The following MACROD2 variants were observed in gnomAD, a reference collection of about 807,000 sequenced individuals.
MACROD2 encodes ADP-ribose glycohydrolase MACROD2.
Under a neutral mutation model 70.4 loss-of-function variants are expected in MACROD2, and 36 were observed. The ratio of observed to expected loss-of-function variants is 0.51; its 90% CI spans 0.39 to 0.68. The LOEUF is 0.68. MACROD2 is among the 30% of genes least tolerant of loss of function. MACROD2 has a pLI of 0.00. For missense variants in MACROD2, 496 were observed against 538.4 expected, an observed-to-expected ratio of 0.92 and a Z score of 0.78; for synonymous variants, 172 against 178.8, an observed-to-expected ratio of 0.96 and a Z score of 0.30.
intron 3 of MACROD2, among the ~76,000 whole-genome samples, chr20:14,466,585 G>A (rs540877177): frequency 1.4e-4 from 22 of 152,180 alleles, no homozygotes; most frequent in East Asian, 7.7e-4. Context: ...GACGAGCTGC[G>A]TTCCTTTGGA....
At chr20:14,029,872 A>G (rs1269816276) in intron 2 of MACROD2, among the ~76,000 whole-genome samples, 2 of 152,176 alleles carry the variant, frequency 1.3e-5, no homozygotes, top group African/African-American at 4.8e-5. Context: ...TTGGAACACC[A>G]TTGAGTTTCT....
At chr20:14,435,531 T>C (rs2084046485) in intron 3 of MACROD2, among the ~76,000 whole-genome samples, 1 of 152,142 alleles carries the variant, frequency 6.6e-6, no homozygotes, top group Admixed American at 6.6e-5. Context: ...ATTTTACCAC[T>C]AATTAATTTT....
At chr20:15,091,278 C>CT (rs1052477355) in intron 5 of MACROD2, among the ~76,000 whole-genome samples, 2 of 151,650 alleles carry the variant, frequency 1.3e-5, no homozygotes, top group African/African-American at 4.8e-5. Flanking sequence ...CCAAATCTTA[C>CT]TTTGGGGGAA....
At chr20:15,393,853 T>A (rs184411137) in intron 6 of MACROD2, among the ~76,000 whole-genome samples, 23 of 152,330 alleles carry the variant, frequency 1.5e-4, no homozygotes, top group Middle Eastern at 3.4e-3. Context: ...ATTACGATTA[T>A]CTCTGCAAGT....
At chr20:14,577,358 G>A (rs114839639) in intron 4 of MACROD2, among the ~76,000 whole-genome samples, 1,820 of 152,254 alleles carry the variant, frequency 0.012, 38 homozygotes, top group African/African-American at 0.041. Flanking sequence ...TTTACATTAA[G>A]AATTACTTTC....
At chr20:15,527,999 C>T (rs2047743960) in intron 8 of MACROD2, among the ~76,000 whole-genome samples, 1 of 152,166 alleles carries the variant, frequency 6.6e-6, no homozygotes, top group Non-Finnish European at 1.5e-5. Context: ...ATTTTATCTG[C>T]TGTTATATCT....
chr20:15,234,181 G>A (rs1253664450), intron 6 of MACROD2, among the ~76,000 whole-genome samples: 4 of 141,470 alleles, frequency 2.8e-5, no homozygotes, highest in Admixed American at 7.1e-5. Flanking sequence ...ACAGGCGCCC[G>A]CTACCACGCC....
intron 8 of MACROD2, among the ~76,000 whole-genome samples, chr20:15,564,216 G>C (rs2048281579): frequency 1.3e-5 from 2 of 152,128 alleles, no homozygotes; most frequent in Admixed American, 1.3e-4. Flanking sequence ...CCCCAAACCA[G>C]CCTGACTTTC....
chr20:15,776,080 A>T (rs959587380), intron 8 of MACROD2, among the ~76,000 whole-genome samples: 5 of 152,132 alleles, frequency 3.3e-5, no homozygotes, highest in Admixed American at 3.3e-4. Context: ...AACAAAATGA[A>T]GTTTTTGGCA....
chr20:15,235,504 G>A (rs543854977), intron 6 of MACROD2, among the ~76,000 whole-genome samples: 3 of 152,308 alleles, frequency 2.0e-5, no homozygotes, highest in East Asian at 3.9e-4. Flanking sequence ...AAGATGATGG[G>A]CCTGCAAATT....
chr20:15,485,428 T>G (rs1210156976), intron 7 of MACROD2, among the ~76,000 whole-genome samples: 1 of 152,258 alleles, frequency 6.6e-6, no homozygotes, highest in East Asian at 1.9e-4. Context: ...CCAGCAGGTT[T>G]TCCTGGCACA....
At chr20:15,485,214 T>C (rs1229996323) in intron 7 of MACROD2, among the ~76,000 whole-genome samples, 1 of 152,058 alleles carries the variant, frequency 6.6e-6, no homozygotes, top group African/African-American at 2.4e-5. Flanking sequence ...AATGAAGGCC[T>C]GTTACTTTGT....
At chr20:15,178,776 G>A (rs2076480066) in intron 5 of MACROD2, among the ~76,000 whole-genome samples, 1 of 152,194 alleles carries the variant, frequency 6.6e-6, no homozygotes, top group Non-Finnish European at 1.5e-5. Flanking sequence ...AGGCCAAGCT[G>A]CCAATTTTCC....
chr20:14,535,913 A>T (rs1267031543), intron 4 of MACROD2, among the ~76,000 whole-genome samples: 1 of 152,198 alleles, frequency 6.6e-6, no homozygotes, highest in Non-Finnish European at 1.5e-5. Context: ...AGTTAGCACT[A>T]ATGTAATTCA....
intron 8 of MACROD2, among the ~76,000 whole-genome samples, chr20:15,770,093 T>C (rs1052339044): frequency 3.7e-4 from 36 of 97,346 alleles, no homozygotes; most frequent in Non-Finnish European, 7.1e-4. Context: ...AATTTTCTTT[T>C]TTTTTTTTTT....
intron 5 of MACROD2, among the ~76,000 whole-genome samples, chr20:15,159,547 G>T (rs1009663897): frequency 2.0e-5 from 3 of 152,040 alleles, no homozygotes; most frequent in African/African-American, 7.2e-5. Flanking sequence ...AATATGGTTT[G>T]CTTTATTTTG....
Position 14,429,687 on chromosome 20 carries a change from G to T in MACROD2, c.272-63792G>T, listed in dbSNP as rs148451996. 8.4e-4 allele frequency among the ~76,000 whole-genome samples: 128 copies of T among 152,266 alleles called. 1 individual carries two copies. The highest frequency in any genetic ancestry group is 2.8e-3 in the African/African-American group (115 of 41,560). ...CACCTTTTTGCTTTTCTGCCTTTGG[G>T]CTTTCTCTGGCACTAGAAGAGCTTG... On this transcript the variant is annotated intron_variant, in intron 3 of 17. Transcript: ENST00000684519.
At chr20:14,849,636 C>T (rs1361326590) in intron 5 of MACROD2, among the ~76,000 whole-genome samples, 1 of 152,022 alleles carries the variant, frequency 6.6e-6, no homozygotes, top group Non-Finnish European at 1.5e-5. Flanking sequence ...AAAAAATTAG[C>T]CGAGTGTGGT....
At chr20:14,955,210 A>ATAATTTATATAATATATAATTTTTATTAT (rs2074523348) in intron 5 of MACROD2, among the ~76,000 whole-genome samples, 1 of 135,766 alleles carries the variant, frequency 7.4e-6, no homozygotes, top group African/African-American at 2.7e-5. Context: ...TCATTTACAT[A>ATAATTTATATAATATATAATTTTTATTAT]ATATAATTTA....
Sources: gnomAD v4.1 joint callset for allele counts (sites outside exome capture counted in the v4.1 genomes callset) on GRCh38, gnomAD v4.1.1 for gene constraint, MANE v1.5 for transcripts, NCBI Gene and HGNC (gene_info 2026-07-23, HGNC 2026-07-21) for gene names.